Variants in TENM1 observed in about 807,000 individuals in gnomAD.
TENM1 encodes the protein teneurin transmembrane protein 1, also known as teneurin-1.
TENM1 carries 35 observed loss-of-function variants against 174.8 expected under a neutral mutation model. That is an observed-to-expected ratio of 0.20 (90% CI 0.15 to 0.27). The LOEUF is 0.27. Among genes scored for constraint, TENM1 ranks in the 10% least tolerant of loss-of-function variants. The probability of loss-of-function intolerance (pLI) is 1.00; values close to 1 mark genes in which losing one functional copy is unlikely to be tolerated. For missense variants in TENM1, 1,633 were observed against 2,130.1 expected, an observed-to-expected ratio of 0.77 and a Z score of 4.59; for synonymous variants, 781 against 798.7, an observed-to-expected ratio of 0.98 and a Z score of 0.37.
At chrX:124,833,131 G>A (rs1221664238) in intron 3 of TENM1, among the ~76,000 whole-genome samples, 1 of 112,098 alleles carries the variant, frequency 8.9e-6, no homozygotes. Context: ...AAGTTAAACT[G>A]AGAGATTTAT....
the TENM1 span, among the ~76,000 whole-genome samples, chrX:125,024,809 T>C: frequency 2.7e-5 from 3 of 112,184 alleles, no homozygotes; most frequent in Non-Finnish European, 5.6e-5. Flanking sequence ...TTTATTATTC[T>C]CATCTAATTA....
At chrX:125,076,401 T>C in the TENM1 span, among the ~76,000 whole-genome samples, 1 of 111,939 alleles carries the variant, frequency 8.9e-6, no homozygotes. Flanking sequence ...TTGGGTCCCA[T>C]GTGTTAACCA....
At chrX:124,628,689 C>T (rs73634522) in intron 11 of TENM1, among the ~76,000 whole-genome samples, 4,422 of 111,213 alleles carry the variant, frequency 0.04, 206 homozygotes, top group African/African-American at 0.14. Context: ...ATTTTTCCCT[C>T]TTGTGTTGGC....
At chrX:125,037,296 CA>C in the TENM1 span, among the ~76,000 whole-genome samples, 2 of 110,272 alleles carry the variant, frequency 1.8e-5, no homozygotes, top group African/African-American at 6.6e-5. Context: ...CCTGTAGCAA[CA>C]TCTATCCAGA....
At chrX:124,562,829 T>C (rs1441650898) in intron 13 of TENM1, among the ~76,000 whole-genome samples, 2 of 112,362 alleles carry the variant, frequency 1.8e-5, no homozygotes, top group Admixed American at 9.4e-5. Context: ...CCAGTCAATA[T>C]TCATTTCGGT....
intron 28 of TENM1, among the ~76,000 whole-genome samples, chrX:124,391,475 A>G (rs1373040577): frequency 9.0e-6 from 1 of 111,049 alleles, no homozygotes; most frequent in Non-Finnish European, 1.9e-5. Flanking sequence ...ATATTTTTCT[A>G]TTATTCCCAG....
At chrX:125,168,464 G>T in the TENM1 span, among the ~76,000 whole-genome samples, 18 of 111,491 alleles carry the variant, frequency 1.6e-4, no homozygotes, top group Non-Finnish European at 3.4e-4. Context: ...TCCTGCCCTT[G>T]TGTAATACCT....
chrX:125,175,710 A>G, the TENM1 span, among the ~76,000 whole-genome samples: 1 of 110,994 alleles, frequency 9.0e-6, no homozygotes, highest in Non-Finnish European at 1.9e-5. Context: ...GCCACATAGC[A>G]GAAAAAGGAA....
At chrX:125,068,057 C>A in the TENM1 span, among the ~76,000 whole-genome samples, 1 of 111,854 alleles carries the variant, frequency 8.9e-6, no homozygotes, top group African/African-American at 3.2e-5. Context: ...GAGAGACAAA[C>A]TAATAATAAG....
intron 11 of TENM1, among the ~76,000 whole-genome samples, chrX:124,573,070 T>TA (rs1007993043): frequency 8.1e-5 from 9 of 111,327 alleles, no homozygotes; most frequent in African/African-American, 1.6e-4. Context: ...CTATTAATAC[T>TA]AGGGGGTGTG....
chrX:124,417,774 C>T (rs770955380), intron 25 of TENM1, among the ~76,000 whole-genome samples: 34 of 111,818 alleles, frequency 3.0e-4, no homozygotes, highest in African/African-American at 1.0e-3. Context: ...TCTCCCACCT[C>T]ACAACCTTCC....
At chrX:124,738,206 T>C (rs1193493867) in intron 3 of TENM1, among the ~76,000 whole-genome samples, 1 of 111,823 alleles carries the variant, frequency 8.9e-6, no homozygotes, top group East Asian at 2.8e-4. Flanking sequence ...GTGGACAGCA[T>C]GGCCTTGTCC....
intron 3 of TENM1, among the ~76,000 whole-genome samples, chrX:124,774,464 G>C (rs1268309360): frequency 6.3e-5 from 7 of 111,312 alleles, no homozygotes; most frequent in African/African-American, 2.3e-4. Flanking sequence ...TAAAGAAAAT[G>C]GGAAGAAATA....
chrX:124,847,652 A>T (rs781251749), intron 3 of TENM1, among the ~76,000 whole-genome samples: 7 of 111,797 alleles, frequency 6.3e-5, no homozygotes, highest in Admixed American at 9.5e-5. Flanking sequence ...GAATAAATAA[A>T]TGGGAGTACT....
chrX:124,460,276 C>T (rs993267150), intron 22 of TENM1, among the ~76,000 whole-genome samples: 2 of 111,435 alleles, frequency 1.8e-5, no homozygotes, highest in Non-Finnish European at 3.8e-5. Context: ...GACACATGCA[C>T]GTGTATGTTC....
intron 13 of TENM1, 92 bp downstream of exon 16, chrX:124,563,657 C>A: frequency 1.4e-6 from 1 of 720,349 alleles, no homozygotes; most frequent in Non-Finnish European, 2.0e-6. Context: ...ACAAACAACA[C>A]AAATGCCAAA....
intron 18 of TENM1, among the ~76,000 whole-genome samples, chrX:124,504,328 T>C (rs2047397317): frequency 8.9e-6 from 1 of 112,499 alleles, no homozygotes; most frequent in African/African-American, 3.2e-5. Context: ...AACTAACCAA[T>C]GGGACATCAC....
chrX:124,382,335 G>A (rs1352748961), intron 31 of TENM1, among the ~76,000 whole-genome samples: 2 of 110,941 alleles, frequency 1.8e-5, no homozygotes, highest in Admixed American at 9.6e-5. Context: ...TGATGTTTTC[G>A]TGTCTCTTAC....
intron 5 of TENM1, among the ~76,000 whole-genome samples, chrX:124,676,330 T>C (rs1177229182): frequency 2.8e-5 from 2 of 71,292 alleles, no homozygotes; most frequent in Non-Finnish European, 5.4e-5. Context: ...TGAATGGAGA[T>C]GGATGCTACC....
Sources: allele counts gnomAD v4.1 joint callset (sites outside exome capture counted in the v4.1 genomes callset), GRCh38; gene constraint gnomAD v4.1.1; transcripts MANE v1.5; gene names NCBI Gene and HGNC (gene_info 2026-07-23, HGNC 2026-07-21).